The following TRIT1 variants were observed in gnomAD, a reference collection of about 807,000 sequenced individuals.
The protein encoded by TRIT1 is tRNA isopentenyltransferase 1.
TRIT1 carries 43 observed loss-of-function variants against 51.2 expected under a neutral mutation model. The observed-to-expected ratio is 0.84, with a 90% CI of 0.66 to 1.08. The LOEUF (loss-of-function observed/expected upper bound fraction) is 1.08. TRIT1 is among the 50% of genes least tolerant of loss of function. TRIT1 has a pLI of 0.00. For missense variants in TRIT1, 528 were observed against 578.4 expected (o/e 0.91, Z 0.89); for synonymous variants, 184 against 203.9 (o/e 0.90, Z 0.83).
chr1:39,873,715 C>G (rs548226144), intron 1 of TRIT1, among the ~76,000 whole-genome samples: 2 of 152,140 alleles, frequency 1.3e-5, no homozygotes, highest in Non-Finnish European at 2.9e-5. Flanking sequence ...ATCTTTGAAA[C>G]TCTTGTGTAA....
chr1:39,878,809 G>A (rs1291480939), intron 1 of TRIT1, among the ~76,000 whole-genome samples: 1 of 152,128 alleles, frequency 6.6e-6, no homozygotes, highest in Non-Finnish European at 1.5e-5. Context: ...CTTAGCTGCA[G>A]CAAATTTTAT....
chr1:39,844,327 G>A, intron 9 of TRIT1, 109 bp from the exon 10 acceptor site: 3 of 974,034 alleles, frequency 3.1e-6, no homozygotes, highest in South Asian at 1.5e-5. Context: ...AACCCAGAGA[G>A]CAGATGGGCT....
chr1:39,849,242 T>A (rs1394129839), intron 5 of TRIT1, among the ~76,000 whole-genome samples: 3 of 152,186 alleles, frequency 2.0e-5, no homozygotes, highest in Admixed American at 6.5e-5. Context: ...TTATCTCTAT[T>A]TTACAGGAGA....
rs982102147 is a variant in TRIT1, at chr1:39,844,182, A to G, written c.1153T>C (p.Tyr385His). The change falls in exon 10 of 11, where the codon TAC becomes CAC. Residue 385 changes from tyrosine to histidine, a missense_variant. Physicochemically the swap from Tyr to His is moderately conservative, Grantham distance 83 (BLOSUM62 2). Transcript: ENST00000316891. ...KPTATPIKMP[Y>H]NEAENKRSYH... ...CTTCTCTTGTTCTCAGCTTCATTGT[A>G]TGGCATCTTTATTGGAGTGGCTGTA... The G allele has an allele frequency of 6.8e-6, 11 of 1,614,188 alleles. No homozygotes were observed. Among genetic ancestry groups the G allele is most frequent in the Non-Finnish European group, 9.3e-6 (11 of 1,180,002 alleles).
intron 10 of TRIT1, among the ~76,000 whole-genome samples, chr1:39,842,259 G>A (rs1317431767): frequency 6.6e-6 from 1 of 152,066 alleles, no homozygotes; most frequent in Non-Finnish European, 1.5e-5. Context: ...AGGTCACACA[G>A]CAGGTAAACT....
Position 39,883,426 on chromosome 1 carries a change from G to C in TRIT1, c.66C>G (p.Thr22=). 1 of 1,613,644 alleles carries C rather than the reference G, an allele frequency of 6.2e-7. No homozygotes were observed. Among genetic ancestry groups the C allele is most frequent in the Non-Finnish European group, 8.5e-7 (1 of 1,179,746 alleles). The change falls in exon 1 of 11, where the codon ACC becomes ACG. Residue 22 remains threonine (T), a synonymous_variant. Transcript: ENST00000316891. ...VGSGLRGLQR[T]LPLVVILGAT... ...CCCCGAGAATCACTACAAGAGGTAGGGTCCGTTGCAGGCCCCTGAGCCCAC... is the reference window on the plus strand; with the variant it reads ...CCCCGAGAATCACTACAAGAGGTAGCGTCCGTTGCAGGCCCCTGAGCCCAC...
chr1:39,847,749 T>C, intron 6 of TRIT1, 89 bp from the exon 7 acceptor site: 1 of 1,595,714 alleles, frequency 6.3e-7, no homozygotes, highest in East Asian at 2.2e-5. Context: ...CCATTTCATC[T>C]GTCAGATAAG....
intron 8 of TRIT1, among the ~76,000 whole-genome samples, chr1:39,846,486 A>C (rs1642231804): frequency 1.3e-5 from 2 of 152,374 alleles, no homozygotes; most frequent in South Asian, 4.1e-4. Context: ...TGTCTTGCTA[A>C]AGTTACAGCT....
intron 1 of TRIT1, among the ~76,000 whole-genome samples, chr1:39,878,528 T>C (rs1644143204): frequency 6.6e-6 from 1 of 152,206 alleles, no homozygotes; most frequent in African/African-American, 2.4e-5. Context: ...GTACAATAGT[T>C]TCTGAGTTAC....
intron 10 of TRIT1, among the ~76,000 whole-genome samples, chr1:39,843,001 G>A (rs1367683129): frequency 6.6e-6 from 1 of 152,130 alleles, no homozygotes; most frequent in African/African-American, 2.4e-5. Context: ...CTTCTCTAAG[G>A]CTATCCCTGA....
intron 1 of TRIT1, among the ~76,000 whole-genome samples, chr1:39,865,737 C>A (rs1446636872): frequency 3.4e-5 from 5 of 148,212 alleles, no homozygotes; most frequent in South Asian, 2.1e-4. Flanking sequence ...GTAGTCCCAA[C>A]TACTCAGGAG....
At chr1:39,870,550 T>C (rs997818949) in intron 1 of TRIT1, among the ~76,000 whole-genome samples, 1 of 147,188 alleles carries the variant, frequency 6.8e-6, no homozygotes, top group Middle Eastern at 3.3e-3. Context: ...CTCAACATCA[T>C]TGGTCTTTAG....
chr1:39,871,188 C>T (rs571909185), intron 1 of TRIT1, among the ~76,000 whole-genome samples: 3 of 149,374 alleles, frequency 2.0e-5, no homozygotes, highest in East Asian at 2.1e-4. Flanking sequence ...GGAGAAACTC[C>T]GTCTCATAAA....
Position 39,865,396 on chromosome 1 carries a change from G to A in TRIT1, c.175-7979C>T, listed in dbSNP as rs191034947. On this transcript the variant is annotated intron_variant, in intron 1 of 10. Transcript: ENST00000316891. ...TGAACTTTCTCTGGGTGACACCCAT[G>A]GCTTCTACAACCACTGTTGTGCTGA... 7.2e-5 allele frequency among the ~76,000 whole-genome samples: 11 copies of A among 152,322 alleles called. No homozygotes were observed. The East Asian group carries it at 1.9e-3, about 27-fold the overall frequency.
At chr1:39,843,055 A>G (rs1642011466) in intron 10 of TRIT1, among the ~76,000 whole-genome samples, 1 of 152,220 alleles carries the variant, frequency 6.6e-6, no homozygotes, top group Non-Finnish European at 1.5e-5. Flanking sequence ...TTTAGAAAAA[A>G]ACAATCAGAC....
At chr1:39,869,307 G>A (rs1643737211) in intron 1 of TRIT1, among the ~76,000 whole-genome samples, 1 of 152,246 alleles carries the variant, frequency 6.6e-6, no homozygotes, top group Admixed American at 6.5e-5. Context: ...GTTTCGCCGT[G>A]TTGGCCGGGC....
At chr1:39,857,466 A>G in intron 1 of TRIT1, 49 bp from the exon 2 acceptor site, 2 of 1,592,800 alleles carry the variant, frequency 1.3e-6, no homozygotes, top group Non-Finnish European at 1.7e-6. Flanking sequence ...TCCATAAAAG[A>G]TGCATACTTA....
intron 4 of TRIT1, among the ~76,000 whole-genome samples, chr1:39,851,599 C>T (rs1331257734): frequency 1.3e-5 from 2 of 151,936 alleles, no homozygotes; most frequent in Non-Finnish European, 2.9e-5. Context: ...TTAGATATTA[C>T]AATTTGTGCC....
rs766627742 is a variant in TRIT1, at chr1:39,844,137, A to G, written c.1198T>C (p.Cys400Arg). 3 of 1,614,174 alleles carry G rather than the reference A, an allele frequency of 1.9e-6. No individual in the cohort carries two copies. Among genetic ancestry groups the G allele is most frequent in the Non-Finnish European group, 8.5e-7 (1 of 1,180,000 alleles). Residue 400 changes from cysteine to arginine, a missense_variant, in exon 10 of 11, where the codon TGT becomes CGT. Cys to Arg is a radical substitution (Grantham distance 180). This residue lies in a region of TRIT1 where 468 missense variants were observed against 522.6 expected (regional missense o/e 0.90). Transcript: ENST00000316891. Reference protein sequence around the residue: ...NKRSYHLCDLCDRIIIGDREW... With the variant: ...NKRSYHLCDLRDRIIIGDREW... Reference sequence around the variant, plus strand: ...CGATCCCCAATGATGATTCGATCACAGAGGTCACACAGGTGATAACTTCTC... The same window carrying G: ...CGATCCCCAATGATGATTCGATCACGGAGGTCACACAGGTGATAACTTCTC...
Sources: allele counts gnomAD v4.1 joint callset (sites outside exome capture counted in the v4.1 genomes callset), GRCh38; gene constraint gnomAD v4.1.1; regional missense constraint gnomAD v4.1.1; transcripts MANE v1.5; gene names NCBI Gene and HGNC (gene_info 2026-07-23, HGNC 2026-07-21).